Variants in NRG4 observed in about 807,000 individuals in gnomAD.
The protein encoded by NRG4 is pro-neuregulin-4, membrane-bound isoform.
Under a neutral mutation model 15.0 loss-of-function variants are expected in NRG4, and 10 were observed. The observed-to-expected ratio is 0.67, with a 90% CI of 0.41 to 1.13. The LOEUF (loss-of-function observed/expected upper bound fraction) is 1.13, where lower values mean the gene tolerates loss of function less well. Among genes scored for constraint, NRG4 ranks in the 50% most tolerant of loss-of-function variants. The probability of loss-of-function intolerance (pLI) is 0.00; values close to 1 mark genes in which losing one functional copy is unlikely to be tolerated. For missense variants in NRG4, 139 were observed against 140.2 expected (o/e 0.99, Z 0.04); for synonymous variants, 41 against 50.1 (o/e 0.82, Z 0.77).
intron 5 of NRG4, among the ~76,000 whole-genome samples, chr15:75,955,411 AG>A (rs1595951181): frequency 6.6e-6 from 1 of 152,226 alleles, no homozygotes; most frequent in Admixed American, 6.5e-5. Context: ...GATGACTGAT[AG>A]CAATGTCTTC....
rs144975379 is a variant in NRG4 at position 76,034,616 on chromosome 15, A to G, written c.-57+1328T>C. ...ATCAACTCCTTGTGTGAATAACCATAGCTAAAAAAAAAAAAAACACTTCCA... is the reference window on the plus strand; with the variant it reads ...ATCAACTCCTTGTGTGAATAACCATGGCTAAAAAAAAAAAAAACACTTCCA... On this transcript the variant is annotated intron_variant, in intron 5 of 8. Coordinates refer to the NRG4 transcript ENST00000563910. Among the ~76,000 whole-genome samples, 1,206 of 135,990 alleles carry G rather than the reference A, an allele frequency of 8.9e-3. 9 individuals are homozygous for G. The highest frequency in any genetic ancestry group is 0.017 in the Admixed American group (242 of 14,222). The allele number at this position is 135,990 out of a possible 152,430, so 89.2% of individuals were successfully genotyped here.
In NRG4 at chr15:75,943,650, A is replaced by G; in HGVS notation, c.336T>C (p.His112=). 1.3e-6 allele frequency: 2 copies of G among 1,572,996 alleles called. No individual in the cohort carries two copies. The highest frequency in any genetic ancestry group is 2.2e-5 in the East Asian group (1 of 44,574). Residue 112 remains histidine, a synonymous_variant, in exon 6 of 6, where the codon CAT becomes CAC. Transcript: ENST00000394907. ...CTTTGACGTTTCTTCAGTGTTGTTC[A>G]TGACCTGTGAAAAATAAGTAAGAAT... ...ETSSTSAHHS[H]EQH
chr15:75,955,916 T>G lies in NRG4; in HGVS notation c.331+16A>C, dbSNP rs757966304. The G allele has an allele frequency of 6.8e-7, 1 of 1,461,184 alleles. No individual in the cohort carries two copies. Among genetic ancestry groups the G allele is most frequent in the East Asian group, 2.3e-5 (1 of 44,112 alleles). 90.5% of individuals were successfully genotyped at this position (1,461,184 alleles called of 1,614,324 possible). A position where few individuals can be genotyped will look rare whatever the true frequency, so the allele number is the denominator to read the frequency against. On this transcript the variant is annotated intron_variant, in intron 5 of 5. Transcript: ENST00000394907. ...TCTAGGGTTTTAAAATAAGCATTTG[T>G]TTTGAGTTTACTCACTGTGGTGGGC...
intron 3 of NRG4, among the ~76,000 whole-genome samples, chr15:75,992,902 T>A (rs777400871): frequency 2.1e-4 from 32 of 151,702 alleles, no homozygotes; most frequent in Admixed American, 1.9e-3. Flanking sequence ...TATACATTCA[T>A]GAGTTGATGG....
intron 3 of NRG4, among the ~76,000 whole-genome samples, chr15:75,963,501 C>T (rs113751111): frequency 0.012 from 1,755 of 151,984 alleles, 31 homozygotes; most frequent in African/African-American, 0.039. Context: ...AAAATTAGGC[C>T]GGGCATGGTG....
chr15:75,991,176 G>T (rs1406296305), intron 3 of NRG4, among the ~76,000 whole-genome samples: 1 of 152,102 alleles, frequency 6.6e-6, no homozygotes, highest in Admixed American at 6.5e-5. Context: ...GGGCCAAATA[G>T]CAAATATTTT....
chr15:76,054,622 C>A (rs192880680), intron 2 of NRG4, among the ~76,000 whole-genome samples: 1 of 152,160 alleles, frequency 6.6e-6, no homozygotes, highest in Non-Finnish European at 1.5e-5. Context: ...GCCATGTTGG[C>A]CAGGCTGGTC....
intron 5 of NRG4, among the ~76,000 whole-genome samples, chr15:76,031,832 G>A (rs951447511): frequency 3.9e-5 from 6 of 152,226 alleles, no homozygotes; most frequent in African/African-American, 1.4e-4. Flanking sequence ...TCCAGCCTGG[G>A]TGACCGAGTG....
intron 3 of NRG4, chr15:75,969,081 C>A: frequency 2.5e-6 from 1 of 404,150 alleles, no homozygotes; most frequent in Non-Finnish European, 5.0e-6. Context: ...ACCAGACACT[C>A]AATTAAACCA....
In NRG4 at chr15:75,999,162, T is replaced by G. The variant is rs145661926; in HGVS notation, c.104+10038A>C. On this transcript the variant is annotated intron_variant, in intron 3 of 5. Transcript: ENST00000394907. The stretch of plus-strand genomic sequence containing the variant: ...AATTCATTCATTCATTTAATAAATA[T>G]TTATTGAGTACTTACTATGTTTCAG... 1.2e-3 allele frequency among the ~76,000 whole-genome samples: 184 copies of G among 152,334 alleles called. 1 individual carries two copies. The highest frequency in any genetic ancestry group is 4.1e-3 in the African/African-American group (172 of 41,582).
At chr15:76,022,977 T>C (rs1596035459) in intron 5 of NRG4, among the ~76,000 whole-genome samples, 1 of 152,098 alleles carries the variant, frequency 6.6e-6, no homozygotes, top group Admixed American at 6.5e-5. Flanking sequence ...ACCCACAGTA[T>C]AGCTGAGCAG....
chr15:76,047,058 A>G (rs1238470630), intron 4 of NRG4, among the ~76,000 whole-genome samples: 1 of 151,056 alleles, frequency 6.6e-6, no homozygotes, highest in Non-Finnish European at 1.5e-5. Context: ...GTGTATTAAA[A>G]AAAACACTCA....
intron 3 of NRG4, among the ~76,000 whole-genome samples, chr15:75,984,817 AT>A (rs1031750329): frequency 3.3e-5 from 5 of 152,126 alleles, no homozygotes; most frequent in South Asian, 2.1e-4. Flanking sequence ...TTGGCAAATA[AT>A]TTTTTTTAAA....
At chr15:75,952,060 G>T (rs1329871091) in intron 5 of NRG4, among the ~76,000 whole-genome samples, 1 of 151,958 alleles carries the variant, frequency 6.6e-6, no homozygotes, top group Non-Finnish European at 1.5e-5. Context: ...TTTCTAAATA[G>T]TTACTGATTT....
intron 3 of NRG4, among the ~76,000 whole-genome samples, chr15:75,962,808 T>TA (rs2032597218): frequency 6.6e-6 from 1 of 152,156 alleles, no homozygotes; most frequent in African/African-American, 2.4e-5. Flanking sequence ...GCATTTAAAA[T>TA]AAAAAACACT....
chr15:75,936,258 T>C (rs1401026733), downstream of NRG4: 1 of 152,210 alleles, frequency 6.6e-6, no homozygotes, highest in East Asian at 1.9e-4. Flanking sequence ...TTTTAGATGA[T>C]TGACTTGGTT....
intron 4 of NRG4, among the ~76,000 whole-genome samples, chr15:76,043,462 A>C (rs1388292573): frequency 6.6e-6 from 1 of 152,244 alleles, no homozygotes; most frequent in African/African-American, 2.4e-5. Flanking sequence ...ACAGGATACA[A>C]AATCAACAAA....
upstream of NRG4, among the ~76,000 whole-genome samples, chr15:76,016,361 TTTC>T (rs2034978101): frequency 6.6e-6 from 1 of 152,218 alleles, no homozygotes; most frequent in Non-Finnish European, 1.5e-5. Flanking sequence ...ATCTTAGTTA[TTTC>T]TTGTCTTCTG....
intron 5 of NRG4, among the ~76,000 whole-genome samples, chr15:76,032,110 C>T (rs1213406417): frequency 2.0e-5 from 3 of 152,094 alleles, no homozygotes; most frequent in Admixed American, 2.0e-4. Flanking sequence ...CAAGAAAAAG[C>T]TCAAGCTTTA....
Sources: gnomAD v4.1 joint callset for allele counts (sites outside exome capture counted in the v4.1 genomes callset) on GRCh38, gnomAD v4.1.1 for gene constraint, MANE v1.5 for transcripts, NCBI Gene and HGNC (gene_info 2026-07-23, HGNC 2026-07-21) for gene names.